FAP: variants seen among roughly 807,000 people sequenced by gnomAD.
The protein encoded by FAP is prolyl endopeptidase FAP.
In FAP, 110 loss-of-function variants were observed where a neutral mutation model predicts 126.5. That is an observed-to-expected ratio of 0.87 (90% CI 0.74 to 1.02). The LOEUF is 1.02. Ranked by LOEUF, FAP falls within the 50% of genes least tolerant of loss-of-function variation. FAP has a pLI of 0.00. For missense variants in FAP, 919 were observed against 909.2 expected, an observed-to-expected ratio of 1.01 and a Z score of -0.14; for synonymous variants, 334 against 297.3, an observed-to-expected ratio of 1.12 and a Z score of -1.27.
intron 21 of FAP, among the ~76,000 whole-genome samples, chr2:162,180,665 G>C (rs1251516486): frequency 6.6e-6 from 1 of 152,220 alleles, no homozygotes; most frequent in Non-Finnish European, 1.5e-5. Context: ...GGAACAGGGG[G>C]AGGTTGAAAA....
chr2:162,203,439 C>T (rs1339116001), intron 12 of FAP, among the ~76,000 whole-genome samples: 5 of 152,064 alleles, frequency 3.3e-5, no homozygotes, highest in Admixed American at 1.3e-4. Flanking sequence ...TGGTTTGAAA[C>T]GGAGTTAAAA....
intron 23 of FAP, 95 bp downstream of exon 23, chr2:162,173,628 C>T: frequency 2.4e-6 from 2 of 828,820 alleles, no homozygotes; most frequent in African/African-American, 1.7e-5. Context: ...TGCTTGGGGG[C>T]CCAGAATTAA....
intron 4 of FAP, 53 bp from the exon 5 acceptor site, chr2:162,224,593 G>A (rs1689557612): frequency 9.0e-7 from 1 of 1,112,074 alleles, no homozygotes; most frequent in Non-Finnish European, 1.3e-6. Context: ...AAAGAACCAT[G>A]TAAATTTGTA....
intron 8 of FAP, among the ~76,000 whole-genome samples, chr2:162,218,600 GATAA>G (rs1388177981): frequency 3.6e-4 from 53 of 147,850 alleles, no homozygotes; most frequent in African/African-American, 6.8e-4. Context: ...TAGATAGATA[GATAA>G]ATAGATAGAG....
intron 21 of FAP, among the ~76,000 whole-genome samples, chr2:162,180,130 AG>A (rs1018766149): frequency 6.6e-6 from 1 of 151,932 alleles, no homozygotes; most frequent in African/African-American, 2.4e-5. Context: ...CTTAAGGTAC[AG>A]GGAGAAGTGG....
chr2:162,181,401 T>C (rs1687691978), intron 21 of FAP, among the ~76,000 whole-genome samples: 1 of 152,200 alleles, frequency 6.6e-6, no homozygotes, highest in Admixed American at 6.5e-5. Context: ...TCTGTATACT[T>C]GCTTATTCAG....
chr2:162,236,687 T>A (rs1038919795), intron 2 of FAP, among the ~76,000 whole-genome samples: 1 of 152,192 alleles, frequency 6.6e-6, no homozygotes, highest in African/African-American at 2.4e-5. Flanking sequence ...CTCGGCTCAC[T>A]GCAACCTCTG....
chr2:162,233,484 G>C (rs2106298355), intron 2 of FAP, among the ~76,000 whole-genome samples: 1 of 152,130 alleles, frequency 6.6e-6, no homozygotes. Context: ...TGATAGCATT[G>C]AGCATCATTC....
chr2:162,172,980 G>A, intron 24 of FAP, 96 bp from the exon 25 acceptor site: 1 of 1,141,396 alleles, frequency 8.8e-7, no homozygotes, highest in Non-Finnish European at 1.3e-6. Flanking sequence ...CAATTATCTA[G>A]TCATGCATTT....
intron 22 of FAP, 45 bp from the exon 23 acceptor site, chr2:162,173,832 T>C (rs1201316575): frequency 2.4e-6 from 3 of 1,231,962 alleles, no homozygotes; most frequent in South Asian, 2.5e-5. Context: ...GTGATGAATG[T>C]CATTTCATTA....
chr2:162,215,805 C>G (rs2106269762), intron 10 of FAP, 93 bp downstream of exon 10: 1 of 832,932 alleles, frequency 1.2e-6, no homozygotes, highest in Non-Finnish European at 2.0e-6. Flanking sequence ...GTGTGCAACT[C>G]TTATCTACTT....
At chr2:162,223,724 A>G (rs1689511242) in intron 5 of FAP, 64 bp from the exon 6 acceptor site, 1 of 974,976 alleles carries the variant, frequency 1.0e-6, no homozygotes, top group Non-Finnish European at 1.7e-6. Context: ...TCAATAATGT[A>G]TAATCATATA....
rs2106225908 is a variant in FAP, at chr2:162,187,509, T to G, written c.1814+660A>C. Among the ~76,000 whole-genome samples, 2 of 152,180 alleles carry G rather than the reference T, an allele frequency of 1.3e-5. 1 individual carries two copies. The highest frequency in any genetic ancestry group is 4.1e-4 in the South Asian group (2 of 4,830). ...CAGTGTTTCTAAAAAAGCCACAATT[T>G]TGGTGCCTATATAGTCCTGTTTCAG... is the stretch of plus-strand genomic sequence containing the variant. On this transcript the variant is annotated intron_variant, in intron 20 of 25. Coordinates refer to ENST00000188790, the MANE Select transcript of FAP (RefSeq NM_004460.5).
At chr2:162,171,958 T>A (rs912298745) in intron 25 of FAP, 2 of 152,136 alleles carry the variant, frequency 1.3e-5, no homozygotes, top group African/African-American at 4.8e-5. Context: ...AATTATACAA[T>A]CAATTATCAT....
At chr2:162,220,842 T>C (rs1399103998) in intron 6 of FAP, among the ~76,000 whole-genome samples, 1 of 152,160 alleles carries the variant, frequency 6.6e-6, no homozygotes. Flanking sequence ...AAGATTGTAT[T>C]AACAGTTTCA....
In FAP at chr2:162,225,665, C is replaced by T. The variant is rs1213334910; in HGVS notation, c.191-88G>A. 4.4e-6 allele frequency: 6 copies of T among 1,353,902 alleles called. No homozygotes were observed. In the East Asian group the frequency reaches 7.8e-5, roughly 18 times the overall value. The allele number at this position is 1,353,902 out of a possible 1,614,324, so 83.9% of individuals were successfully genotyped here. ...AAAAGAAACCTCTCTATTTCACAGA[C>T]CTACTTTGTTTTTCCTCTCTGTCCA... On this transcript the variant is annotated intron_variant, in intron 3 of 25. Transcript: ENST00000188790.
Position 162,223,594 on chromosome 2 carries a change from C to T in FAP, c.413+14G>A, listed in dbSNP as rs1396242497. ...ATTAGATTTAAGTAGTATTAATAAA[C>T]AGAGGTGATTTACCCATTGCTAAGG... On this transcript the variant is annotated intron_variant, in intron 6 of 25. Transcript: ENST00000188790. The T allele has an allele frequency of 6.6e-7, 1 of 1,509,300 alleles. No homozygotes were observed. The highest frequency in any genetic ancestry group is 9.2e-7 in the Non-Finnish European group (1 of 1,085,270). 93.5% of individuals were successfully genotyped at this position (1,509,300 alleles called of 1,614,324 possible).
At chr2:162,222,961 C>T (rs989403275) in intron 6 of FAP, among the ~76,000 whole-genome samples, 4 of 151,994 alleles carry the variant, frequency 2.6e-5, no homozygotes, top group Admixed American at 2.0e-4. Context: ...AAATTCTCTT[C>T]GTCAATGCTT....
chr2:162,183,838 A>T (rs1302289868), intron 20 of FAP, among the ~76,000 whole-genome samples: 1 of 152,044 alleles, frequency 6.6e-6, no homozygotes, highest in Non-Finnish European at 1.5e-5. Flanking sequence ...CAGCTATCGG[A>T]AAGAAGGATT....
Sources: gnomAD v4.1 joint callset for allele counts (sites outside exome capture counted in the v4.1 genomes callset) on GRCh38, gnomAD v4.1.1 for gene constraint, MANE v1.5 for transcripts, NCBI Gene and HGNC (gene_info 2026-07-23, HGNC 2026-07-21) for gene names.